Variants in CCDC150 observed in about 807,000 individuals in gnomAD.
CCDC150 encodes the protein coiled-coil domain-containing protein 150.
CCDC150 carries 151 observed loss-of-function variants against 156.5 expected under a neutral mutation model. The observed-to-expected ratio is 0.97, with a 90% CI of 0.85 to 1.10. CCDC150 has a LOEUF of 1.10. Ranked by LOEUF, CCDC150 falls within the 50% of genes least tolerant of loss-of-function variation. The pLI, the probability that CCDC150 is intolerant of heterozygous loss-of-function variation, is 0.00. For synonymous variants in CCDC150, 452 were observed against 429.4 expected (o/e 1.05, Z -0.65); for missense variants, 1,312 against 1,268.1 (o/e 1.03, Z -0.53).
chr2:196,717,163 A>C (rs1200061249), intron 17 of CCDC150, among the ~76,000 whole-genome samples: 2 of 152,128 alleles, frequency 1.3e-5, no homozygotes, highest in African/African-American at 4.8e-5. Flanking sequence ...TGCTGGGATT[A>C]CAGGGGTGAG....
intron 13 of CCDC150, among the ~76,000 whole-genome samples, chr2:196,681,679 C>T (rs866619717): frequency 6.6e-6 from 1 of 152,056 alleles, no homozygotes; most frequent in South Asian, 2.1e-4. Flanking sequence ...GAAGTGGTAC[C>T]TCATTGTGGT....
rs1692495555 is a variant in CCDC150 at position 196,645,707 on chromosome 2, C to G, written c.13-634C>G. Among the ~76,000 whole-genome samples the G allele has an allele frequency of 2.6e-5, 4 of 152,238 alleles. No individual in the cohort carries two copies. In the South Asian group the frequency reaches 8.3e-4, roughly 32 times the overall value. ...GGAGGAGTCTGTGGAAAGTTGATGT[C>G]AATAGCTGTAGAAAGGTCTTTGCTC... On this transcript the variant is annotated intron_variant, in intron 1 of 27. Transcript: ENST00000389175.
intron 17 of CCDC150, among the ~76,000 whole-genome samples, chr2:196,715,344 A>G (rs772892605): frequency 6.6e-6 from 1 of 152,214 alleles, no homozygotes; most frequent in Admixed American, 6.5e-5. Flanking sequence ...TTAAACAGTA[A>G]AAGTTCAGAA....
intron 21 of CCDC150, 59 bp downstream of exon 21, chr2:196,721,750 T>C (rs868198784): frequency 1.5e-6 from 2 of 1,333,836 alleles, no homozygotes; most frequent in Middle Eastern, 1.9e-4. Context: ...GTAAGTCACA[T>C]TCCCATAAAT....
intron 13 of CCDC150, among the ~76,000 whole-genome samples, chr2:196,680,874 A>G (rs1575821768): frequency 6.6e-6 from 1 of 152,184 alleles, no homozygotes; most frequent in East Asian, 1.9e-4. Flanking sequence ...CCACATCCTT[A>G]CTAACACTTG....
At chr2:196,667,391 G>A (rs960298340) in intron 7 of CCDC150, 13 of 160,018 alleles carry the variant, frequency 8.1e-5, no homozygotes, top group African/African-American at 3.1e-4. Flanking sequence ...GGAAAGGAAG[G>A]AGCCTAGACT....
intron 15 of CCDC150, among the ~76,000 whole-genome samples, chr2:196,706,784 A>G (rs983076235): frequency 2.6e-5 from 4 of 151,892 alleles, no homozygotes; most frequent in Admixed American, 2.6e-4. Context: ...TGGTTTTTTC[A>G]TTGGTTCTGT....
chr2:196,664,750 C>A (rs1436565510), intron 5 of CCDC150, among the ~76,000 whole-genome samples: 1 of 152,136 alleles, frequency 6.6e-6, no homozygotes, highest in East Asian at 1.9e-4. Context: ...GACCAGCCCC[C>A]ATCCACAGCT....
chr2:196,732,264 C>A, intron 27 of CCDC150, 112 bp downstream of exon 27: 1 of 1,310,474 alleles, frequency 7.6e-7, no homozygotes, highest in South Asian at 1.3e-5. Context: ...TCTTTAGTTT[C>A]TTTAGACTAA....
chr2:196,660,299 C>T (rs1006523057), intron 5 of CCDC150, among the ~76,000 whole-genome samples: 8 of 152,172 alleles, frequency 5.3e-5, no homozygotes, highest in Admixed American at 2.6e-4. Context: ...CATAGACATA[C>T]GTTTCCAACT....
At chr2:196,671,645 C>T (rs1694213466) in intron 8 of CCDC150, among the ~76,000 whole-genome samples, 1 of 152,000 alleles carries the variant, frequency 6.6e-6, no homozygotes, top group East Asian at 1.9e-4. Flanking sequence ...GCCAGCTGGT[C>T]TCAAACTCCT....
chr2:196,687,045 T>C (rs185447051), intron 13 of CCDC150, among the ~76,000 whole-genome samples: 1 of 152,328 alleles, frequency 6.6e-6, no homozygotes, highest in East Asian at 1.9e-4. Flanking sequence ...GTATTTGCTG[T>C]TGTGAATAGT....
At chr2:196,693,609 C>CT (rs1695619089) in intron 13 of CCDC150, among the ~76,000 whole-genome samples, 1 of 152,118 alleles carries the variant, frequency 6.6e-6, no homozygotes, top group Non-Finnish European at 1.5e-5. Context: ...TTTATTTCTC[C>CT]TTTTCCAATC....
At chr2:196,688,945 T>C (rs1420253762) in intron 13 of CCDC150, among the ~76,000 whole-genome samples, 3 of 152,146 alleles carry the variant, frequency 2.0e-5, no homozygotes, top group African/African-American at 7.2e-5. Context: ...AGGGATCCAG[T>C]TTCAGCTTTC....
In CCDC150 at chr2:196,732,658, A is replaced by G. The variant is rs79870204; in HGVS notation, c.*96A>G. 2,289 of 807,146 alleles carry G rather than the reference A, an allele frequency of 2.8e-3. 29 individuals are homozygous for G. The highest frequency in any genetic ancestry group is 0.026 in the African/African-American group (1,528 of 58,762). The allele number at this position is 807,146 out of a possible 1,614,324, so 50.0% of individuals were successfully genotyped here. A position where few individuals can be genotyped will look rare whatever the true frequency, so the allele number is the denominator to read the frequency against. ...GGCCTGTTTCTAGAGTCATAAGAAC[A>G]TGAAGTCTTTGATGTGGGCTGAAGA... On this transcript the variant is annotated 3_prime_UTR_variant, in exon 28 of 28. Coordinates refer to ENST00000389175, the MANE Select transcript of CCDC150 (RefSeq NM_001080539.2).
intron 17 of CCDC150, 143 bp from the exon 18 acceptor site, chr2:196,718,360 G>T: frequency 1.9e-6 from 1 of 536,096 alleles, no homozygotes; most frequent in Non-Finnish European, 3.1e-6. Flanking sequence ...TCCTTTAAAG[G>T]AATAAGCAGC....
intron 10 of CCDC150, among the ~76,000 whole-genome samples, chr2:196,674,913 C>G (rs1489420715): frequency 2.0e-5 from 3 of 152,150 alleles, no homozygotes; most frequent in African/African-American, 7.2e-5. Context: ...GGATTTTACA[C>G]ATATTACCTC....
intron 1 of CCDC150, 34 bp from the exon 2 acceptor site, chr2:196,646,307 A>G (rs1169895526): frequency 1.9e-6 from 3 of 1,600,594 alleles, no homozygotes; most frequent in Non-Finnish European, 2.6e-6. Flanking sequence ...CAATAATAGG[A>G]CCTACCACAC....
chr2:196,650,509 G>A lies in CCDC150; in HGVS notation c.176+4005G>A, dbSNP rs191190408. Among the ~76,000 whole-genome samples, 7 of 152,162 alleles carry A rather than the reference G, an allele frequency of 4.6e-5. No homozygotes were observed. The East Asian group carries it at 9.7e-4, about 21-fold the overall frequency. Reference sequence around the variant, plus strand: ...CCCGGGTTCAAGTGATTCTCCTGCCGCAGCCTCCTGAGGATCTGGGATTAC... The same window carrying A: ...CCCGGGTTCAAGTGATTCTCCTGCCACAGCCTCCTGAGGATCTGGGATTAC... On this transcript the variant is annotated intron_variant, in intron 2 of 27. Transcript: ENST00000389175.
Sources: gnomAD v4.1 joint callset for allele counts (sites outside exome capture counted in the v4.1 genomes callset) on GRCh38, gnomAD v4.1.1 for gene constraint, MANE v1.5 for transcripts, NCBI Gene and HGNC (gene_info 2026-07-23, HGNC 2026-07-21) for gene names.